CDCP1: variants seen among roughly 807,000 people sequenced by gnomAD.
CDCP1 encodes the protein CUB domain-containing protein 1.
In CDCP1, 29 loss-of-function variants were observed where a neutral mutation model predicts 60.2. The ratio of observed to expected loss-of-function variants is 0.48; its 90% confidence interval spans 0.36 to 0.66. The LOEUF (loss-of-function observed/expected upper bound fraction) is 0.66. CDCP1 is among the 30% of genes least tolerant of loss of function. The pLI, the probability that CDCP1 is intolerant of heterozygous loss-of-function variation, is 0.00. For synonymous variants in CDCP1, 387 were observed against 431.1 expected, an observed-to-expected ratio of 0.90 and a Z score of 1.27; for missense variants, 876 against 1,074.3, an observed-to-expected ratio of 0.82 and a Z score of 2.58.
At position 45,122,528 on chromosome 3, in the gene CDCP1, C is replaced by A. The variant is rs57832180; in HGVS notation, c.83-3907G>T. Among the ~76,000 whole-genome samples, 750 of 152,198 alleles carry A rather than the reference C, an allele frequency of 4.9e-3. 7 individuals carry two copies. The highest frequency in any genetic ancestry group is 0.018 in the African/African-American group (727 of 41,522). ...CCAGGCCGGAGTGCAATGGCGTGAT[C>A]TTGGCAACCTCTGCCTTTGGGACTC... On this transcript the variant is annotated intron_variant, in intron 1 of 8. Coordinates refer to ENST00000296129, the MANE Select transcript of CDCP1 (RefSeq NM_022842.5).
chr3:45,128,600 A>G (rs1699038838), intron 1 of CDCP1, among the ~76,000 whole-genome samples: 1 of 152,216 alleles, frequency 6.6e-6, no homozygotes, highest in South Asian at 2.1e-4. Context: ...AGTCAATCCA[A>G]CTTGTTGGAA....
At position 45,091,062 on chromosome 3, in the gene CDCP1, G is replaced by A; in HGVS notation, c.1993+111C>T. On this transcript the variant is annotated intron_variant, in intron 7 of 8. Transcript: ENST00000296129. The surrounding 1 kb of genome is among the most constrained non-coding windows in gnomAD (Gnocchi z 4.8). Reference sequence around the variant, plus strand: ...TTGATGCAATAGCTGACTGATACATGGACAGTCAGGACTCAATCTGTGATT... The same window carrying A: ...TTGATGCAATAGCTGACTGATACATAGACAGTCAGGACTCAATCTGTGATT... 1 of 1,187,332 alleles carries A rather than the reference G, an allele frequency of 8.4e-7. No homozygotes were observed. The highest frequency in any genetic ancestry group is 1.2e-6 in the Non-Finnish European group (1 of 843,004). 73.5% of individuals were successfully genotyped at this position (1,187,332 alleles called of 1,614,324 possible). A position where few individuals can be genotyped will look rare whatever the true frequency, so the allele number is the denominator to read the frequency against.
intron 1 of CDCP1, among the ~76,000 whole-genome samples, chr3:45,126,116 T>C (rs1029723376): frequency 1.0e-5 from 1 of 95,468 alleles, no homozygotes; most frequent in Non-Finnish European, 2.0e-5. Context: ...CTCTCTTTCT[T>C]TCTTTCTTTC....
chr3:45,138,571 G>A (rs371223127), intron 1 of CDCP1, among the ~76,000 whole-genome samples: 19 of 152,368 alleles, frequency 1.2e-4, no homozygotes, highest in South Asian at 6.2e-4. Flanking sequence ...GGCTGGTTGC[G>A]GTGGCTCATT....
chr3:45,096,710 AG>A (rs1698405853), intron 4 of CDCP1, among the ~76,000 whole-genome samples: 1 of 151,644 alleles, frequency 6.6e-6, no homozygotes, highest in South Asian at 2.1e-4. Context: ...GATAATATGT[AG>A]AGTATGATAC....
rs1698117106 is a variant in CDCP1, at chr3:45,082,347, A to G, written c.*3291T>C. 6.6e-6 allele frequency: 1 copy of G among 152,182 alleles called. No homozygotes were observed. The highest frequency in any genetic ancestry group is 2.4e-5 in the African/African-American group (1 of 41,450). The allele number at this position is 152,182 out of a possible 1,614,324, so 9.4% of individuals were successfully genotyped here. A position where few individuals can be genotyped will look rare whatever the true frequency, so the allele number is the denominator to read the frequency against. Reference sequence around the variant, plus strand: ...CTGCTTCACACAGTGCACGGCATCAAATGAAGAGGAAAGAACTTGTATCCC... The same window carrying G: ...CTGCTTCACACAGTGCACGGCATCAGATGAAGAGGAAAGAACTTGTATCCC... On this transcript the variant is annotated 3_prime_UTR_variant, in exon 9 of 9. Coordinates refer to ENST00000296129, the MANE Select transcript of CDCP1 (RefSeq NM_022842.5).
intron 8 of CDCP1, among the ~76,000 whole-genome samples, chr3:45,086,410 A>C (rs963618364): frequency 6.6e-6 from 1 of 152,180 alleles, no homozygotes; most frequent in African/African-American, 2.4e-5. Flanking sequence ...CCTCCATTCT[A>C]CCAGAAATGG....
intron 4 of CDCP1, chr3:45,110,136 A>G (rs1037659681): frequency 6.8e-6 from 7 of 1,027,750 alleles, no homozygotes; most frequent in African/African-American, 5.0e-5. Context: ...TCCCATCATC[A>G]TCGCTGATGG....
intron 4 of CDCP1, among the ~76,000 whole-genome samples, chr3:45,099,246 C>G (rs1172124970): frequency 2.0e-5 from 3 of 151,528 alleles, no homozygotes; most frequent in Non-Finnish European, 4.4e-5. Flanking sequence ...TGTCTTTATT[C>G]CACCTTCACA....
At chr3:45,142,498 TG>T (rs1228195795) in intron 1 of CDCP1, among the ~76,000 whole-genome samples, 1 of 152,154 alleles carries the variant, frequency 6.6e-6, no homozygotes, top group Non-Finnish European at 1.5e-5. Context: ...GGGAGGAAAA[TG>T]CTTCTTCCAT....
chr3:45,118,391 A>G (rs773266430), intron 2 of CDCP1, 21 bp downstream of exon 2: 17 of 1,559,414 alleles, frequency 1.1e-5, no homozygotes, highest in Non-Finnish European at 1.5e-5. Flanking sequence ...ATTGTCAAAC[A>G]GCTCACAAGT....
At chr3:45,090,327 T>C (rs904878010) in intron 7 of CDCP1, among the ~76,000 whole-genome samples, 1 of 152,210 alleles carries the variant, frequency 6.6e-6, no homozygotes, top group African/African-American at 2.4e-5. Context: ...CACACCTGCA[T>C]TCCCTTGCTT....
Position 45,093,784 on chromosome 3 carries a change from C to T in CDCP1, c.1247-127G>A, listed in dbSNP as rs977197778. 4 of 1,049,722 alleles carry T rather than the reference C, an allele frequency of 3.8e-6. No homozygotes were observed. In the African/African-American group the frequency reaches 6.4e-5, roughly 17 times the overall value. The allele number at this position is 1,049,722 out of a possible 1,614,324, so 65.0% of individuals were successfully genotyped here. On this transcript the variant is annotated intron_variant, in intron 5 of 8. Transcript: ENST00000296129. The stretch of plus-strand genomic sequence containing the variant: ...GTGTTTCCCTTCGGTCTCTCTTCTC[C>T]CACCCTGCCCTCTGCTTCTGGCTCC...
chr3:45,093,161 G>C (rs1698325252), intron 6 of CDCP1, 116 bp downstream of exon 6: 1 of 1,166,590 alleles, frequency 8.6e-7, no homozygotes, highest in African/African-American at 1.5e-5. Flanking sequence ...GCAAGGACCA[G>C]CATATTGAGC....
chr3:45,137,102 C>T (rs1304649705), intron 1 of CDCP1, among the ~76,000 whole-genome samples: 1 of 152,194 alleles, frequency 6.6e-6, no homozygotes, highest in African/African-American at 2.4e-5. Context: ...TTCTCCTACC[C>T]TTGAATCTGG....
intron 1 of CDCP1, among the ~76,000 whole-genome samples, chr3:45,129,895 A>C (rs1699058412): frequency 6.6e-6 from 1 of 152,170 alleles, no homozygotes; most frequent in Non-Finnish European, 1.5e-5. Flanking sequence ...ATTTATATCA[A>C]GTTCAAGAAG....
At chr3:45,093,847 G>C (rs2125990703) in intron 5 of CDCP1, among the ~76,000 whole-genome samples, 190 bp from the exon 6 acceptor site, 1 of 152,234 alleles carries the variant, frequency 6.6e-6, no homozygotes, top group African/African-American at 2.4e-5. Flanking sequence ...TGCTCTCTTA[G>C]TAAACATTCT....
At chr3:45,086,320 C>G (rs540556777) in intron 8 of CDCP1, among the ~76,000 whole-genome samples, 2 of 152,184 alleles carry the variant, frequency 1.3e-5, no homozygotes, top group Non-Finnish European at 2.9e-5. Context: ...AGAGAGGGCA[C>G]CTCTATCACT....
chr3:45,096,755 A>G (rs1412922075), intron 4 of CDCP1, among the ~76,000 whole-genome samples: 5 of 152,098 alleles, frequency 3.3e-5, no homozygotes, highest in Non-Finnish European at 7.4e-5. Flanking sequence ...GTGAAACAAA[A>G]TAGCTATTTA....
Sources: gnomAD v4.1 joint callset for allele counts (sites outside exome capture counted in the v4.1 genomes callset) on GRCh38, gnomAD v4.1.1 for gene constraint, Gnocchi (gnomAD v3.1) non-coding constraint, MANE v1.5 for transcripts, NCBI Gene and HGNC (gene_info 2026-07-23, HGNC 2026-07-21) for gene names.